Variants in CNGB1 observed in about 807,000 individuals in gnomAD.
CNGB1 encodes the protein cyclic nucleotide-gated channel beta-1.
CNGB1 carries 126 observed loss-of-function variants against 151.7 expected under a neutral mutation model. That is an observed-to-expected ratio of 0.83 (90% CI 0.72 to 0.96). CNGB1 has a LOEUF of 0.96. Ranked by LOEUF, CNGB1 falls within the 40% of genes least tolerant of loss-of-function variation. The pLI is 0.00. For missense variants in CNGB1, 1,698 were observed against 1,627.0 expected (o/e 1.04, Z -0.75); for synonymous variants, 623 against 635.1 (o/e 0.98, Z 0.29).
rs1961691896 is a variant in CNGB1 at position 57,942,405 on chromosome 16, A to G, written c.1122-2084T>C. ...AAGTTGCAGGATATAAAATCAACAT[A>G]GAAAATTCAGTAGCATTTCAATATA... On this transcript the variant is annotated intron_variant, in intron 14 of 32. Coordinates refer to ENST00000251102, the MANE Select transcript of CNGB1 (RefSeq NM_001297.5). Among the ~76,000 whole-genome samples the G allele has an allele frequency of 2.0e-5, 3 of 152,370 alleles. No individual in the cohort carries two copies. In the South Asian group the frequency reaches 6.2e-4, roughly 32 times the overall value.
rs1308628361 is a variant in CNGB1 at position 57,919,310 on chromosome 16, G to T, written c.1802-56C>A. The T allele has an allele frequency of 2.5e-6, 4 of 1,612,938 alleles. No homozygotes were observed. In the African/African-American group the frequency reaches 4.0e-5, roughly 16 times the overall value. ...CAGCCCTGAGGCCCAGGTAGAGGAT[G>T]CAGAGAGAAGGGTCCCAACTGCAGA... On this transcript the variant is annotated intron_variant, in intron 19 of 32. Transcript: ENST00000251102.
chr16:57,964,678 G>A, intron 2 of CNGB1, 134 bp from the exon 3 acceptor site: 2 of 902,516 alleles, frequency 2.2e-6, no homozygotes, highest in African/African-American at 1.6e-5. Context: ...GATCATCTCT[G>A]TAAATCCTGT....
intron 12 of CNGB1, among the ~76,000 whole-genome samples, chr16:57,950,881 AG>A (rs1470551606): frequency 4.6e-5 from 7 of 152,206 alleles, no homozygotes; most frequent in Admixed American, 1.3e-4. Context: ...ACAGCATCAC[AG>A]GGATGCCAAA....
intron 2 of CNGB1, among the ~76,000 whole-genome samples, chr16:57,965,302 T>C (rs879311783): frequency 8.5e-5 from 13 of 152,158 alleles, no homozygotes; most frequent in Non-Finnish European, 1.5e-4. Flanking sequence ...TACATATACA[T>C]GTGTATGTAC....
intron 25 of CNGB1, among the ~76,000 whole-genome samples, chr16:57,906,634 G>A (rs977509886): frequency 6.6e-6 from 1 of 152,234 alleles, no homozygotes; most frequent in East Asian, 1.9e-4. Context: ...CCATCAGAGG[G>A]CACGCGAAGC....
intron 27 of CNGB1, 67 bp downstream of exon 27, chr16:57,903,755 T>TGGCACCG (rs1222386054): frequency 1.3e-6 from 2 of 1,582,248 alleles, no homozygotes; most frequent in Non-Finnish European, 1.7e-6. Flanking sequence ...CCCGAAGGCA[T>TGGCACCG]GGCACCGGGC....
At chr16:57,937,844 C>T (rs546029022) in intron 16 of CNGB1, among the ~76,000 whole-genome samples, 2 of 152,280 alleles carry the variant, frequency 1.3e-5, no homozygotes, top group East Asian at 3.9e-4. Context: ...TTTCTGTTAC[C>T]CAGGCCCATT....
intron 12 of CNGB1, among the ~76,000 whole-genome samples, chr16:57,950,823 G>T (rs769976371): frequency 6.6e-6 from 1 of 152,218 alleles, no homozygotes; most frequent in Non-Finnish European, 1.5e-5. Flanking sequence ...TCTCACGGGG[G>T]ATTCCTTCTT....
At chr16:57,931,604 C>A (rs1438085199) in intron 17 of CNGB1, 112 bp downstream of exon 17, 2 of 1,239,870 alleles carry the variant, frequency 1.6e-6, no homozygotes, top group Non-Finnish European at 2.3e-6. Context: ...GACACCAACT[C>A]GCTGTGTGAT....
intron 26 of CNGB1, among the ~76,000 whole-genome samples, chr16:57,904,214 T>C (rs977128693): frequency 1.3e-5 from 2 of 152,086 alleles, no homozygotes; most frequent in African/African-American, 4.8e-5. Flanking sequence ...AGCCCCTTGG[T>C]GGCCTCAGGT....
chr16:57,912,194 G>A (rs1232823477), intron 24 of CNGB1, among the ~76,000 whole-genome samples: 2 of 152,140 alleles, frequency 1.3e-5, no homozygotes, highest in Non-Finnish European at 2.9e-5. Flanking sequence ...CGCCCCAGGA[G>A]AGATGTGGAC....
chr16:57,906,292 T>C (rs1407157301), intron 25 of CNGB1, among the ~76,000 whole-genome samples: 2 of 152,026 alleles, frequency 1.3e-5, no homozygotes, highest in Admixed American at 6.5e-5. Context: ...GAAGACAAAA[T>C]GAGGTGCTAG....
rs549293307 is a variant in CNGB1 at position 57,904,036 on chromosome 16, G to T, written c.2635-55C>A. On this transcript the variant is annotated intron_variant, in intron 26 of 32. Transcript: ENST00000251102. ...AGCCACTGGGTCATTGGGGGTGGGC[G>T]CTATTCCATGGATTTGGGATGTGTC... 8 of 1,549,370 alleles carry T rather than the reference G, an allele frequency of 5.2e-6. No individual in the cohort carries two copies. The South Asian group carries it at 7.9e-5, about 15-fold the overall frequency.
intron 14 of CNGB1, among the ~76,000 whole-genome samples, chr16:57,942,576 A>G (rs1961697285): frequency 6.6e-6 from 1 of 152,220 alleles, no homozygotes; most frequent in African/African-American, 2.4e-5. Context: ...AAGAAACTCA[A>G]GAAGATGGCT....
rs201302946 is a variant in CNGB1, at chr16:57,919,228, C to G, written c.1828G>C (p.Ala610Pro). ...GCTTCAGCGGGCTTTGTGTCTGGAGCTGGCTCTGGGGCTTTCTTGGCTGGG... is the reference window on the plus strand; with the variant it reads ...GCTTCAGCGGGCTTTGTGTCTGGAGGTGGCTCTGGGGCTTTCTTGGCTGGG... Reference protein sequence around the residue: ...PSPAKKAPEPAPDTKPAEAEP... With the variant: ...PSPAKKAPEPPPDTKPAEAEP... Residue 610 changes from alanine (A) to proline (P), a missense_variant, in exon 20 of 33, where the codon GCT becomes CCT. By Grantham distance (27) the Ala-to-Pro change is conservative. Transcript: ENST00000251102. The G allele has an allele frequency of 6.2e-7, 1 of 1,614,220 alleles. No homozygotes were observed. Among genetic ancestry groups the G allele is most frequent in the South Asian group, 1.1e-5 (1 of 91,088 alleles).
intron 16 of CNGB1, among the ~76,000 whole-genome samples, chr16:57,936,014 A>G (rs200802948): frequency 6.6e-6 from 1 of 152,302 alleles, no homozygotes; most frequent in East Asian, 1.9e-4. Flanking sequence ...GCACCGTGTC[A>G]ACCACAAATA....
At chr16:57,920,634 C>G (rs1961006984) in intron 18 of CNGB1, 90 bp from the exon 19 acceptor site, 1 of 1,524,338 alleles carries the variant, frequency 6.6e-7, no homozygotes, top group African/African-American at 1.4e-5. Context: ...TGTGTCCCAC[C>G]TTCTGACAGA....
At chr16:57,887,247 C>G (rs967844616) in intron 32 of CNGB1, among the ~76,000 whole-genome samples, 1 of 151,970 alleles carries the variant, frequency 6.6e-6, no homozygotes, top group African/African-American at 2.4e-5. Context: ...CTTCTGGGGC[C>G]GGACATTTGC....
chr16:57,903,676 T>C (rs1960450953), intron 27 of CNGB1, 146 bp downstream of exon 27: 1 of 1,035,112 alleles, frequency 9.7e-7, no homozygotes, highest in African/African-American at 1.6e-5. Flanking sequence ...CTCACACCAA[T>C]GTTGGGGACA....
Sources: allele counts gnomAD v4.1 joint callset (sites outside exome capture counted in the v4.1 genomes callset), GRCh38; gene constraint gnomAD v4.1.1; transcripts MANE v1.5; gene names NCBI Gene and HGNC (gene_info 2026-07-23, HGNC 2026-07-21).